THNSL2: variants seen among roughly 807,000 people sequenced by gnomAD.
THNSL2 encodes threonine synthase like 2.
Under a neutral mutation model 40.0 loss-of-function variants are expected in THNSL2, and 34 were observed. That is an observed-to-expected ratio of 0.85 (90% CI 0.65 to 1.13). The LOEUF (loss-of-function observed/expected upper bound fraction) is 1.13. Among genes scored for constraint, THNSL2 ranks in the 50% most tolerant of loss-of-function variants. The pLI is 0.00. For synonymous variants in THNSL2, 241 were observed against 247.5 expected, an observed-to-expected ratio of 0.97 and a Z score of 0.25; for missense variants, 537 against 608.8, an observed-to-expected ratio of 0.88 and a Z score of 1.24.
At chr2:88,171,438 C>G (rs1212086203) in intron 1 of THNSL2, 1 of 407,836 alleles carries the variant, frequency 2.5e-6, no homozygotes, top group African/African-American at 2.1e-5. Flanking sequence ...TCCTTCCACC[C>G]AGGGAAGGGC....
At chr2:88,184,296 C>A (rs1464162231) in intron 7 of THNSL2, among the ~76,000 whole-genome samples, 7 of 152,186 alleles carry the variant, frequency 4.6e-5, no homozygotes, top group Admixed American at 4.6e-4. Flanking sequence ...CTCCTTCATT[C>A]TCTCTCTGGC....
At chr2:88,173,625 TA>T (rs56707128) in intron 2 of THNSL2, among the ~76,000 whole-genome samples, 87 of 144,934 alleles carry the variant, frequency 6.0e-4, no homozygotes, top group South Asian at 6.6e-4. Flanking sequence ...TCTTTTTCTT[TA>T]AAAAAAAAAA....
intron 7 of THNSL2, among the ~76,000 whole-genome samples, chr2:88,185,054 C>T (rs986279613): frequency 1.3e-5 from 2 of 152,162 alleles, no homozygotes; most frequent in African/African-American, 2.4e-5. Flanking sequence ...CTGGCTGTGG[C>T]AAGTTGTTGA....
chr2:88,179,147 A>G (rs1677266491), intron 5 of THNSL2, 134 bp downstream of exon 5: 1 of 896,772 alleles, frequency 1.1e-6, no homozygotes, highest in East Asian at 2.5e-5. Flanking sequence ...GGGAAACCCC[A>G]CAGAAGTTCC....
chr2:88,181,004 C>G (rs1342259839), intron 5 of THNSL2, among the ~76,000 whole-genome samples: 1 of 152,130 alleles, frequency 6.6e-6, no homozygotes, highest in Non-Finnish European at 1.5e-5. Flanking sequence ...AGTCAGCCAT[C>G]TATTAAATAC....
intron 1 of THNSL2, chr2:88,171,926 G>T (rs1676418622): frequency 6.6e-6 from 1 of 152,328 alleles, no homozygotes; most frequent in Admixed American, 6.5e-5. Flanking sequence ...TAAGAGAGTG[G>T]CACGTGGCAG....
At chr2:88,182,578 T>C in intron 5 of THNSL2, 121 bp from the exon 6 acceptor site, 1 of 1,223,498 alleles carries the variant, frequency 8.2e-7, no homozygotes, top group Non-Finnish European at 1.1e-6. Context: ...TAGTGTCCTT[T>C]TTAAAGCACA....
chr2:88,184,666 G>C (rs552562889), intron 7 of THNSL2, among the ~76,000 whole-genome samples: 3 of 152,142 alleles, frequency 2.0e-5, no homozygotes, highest in Admixed American at 6.5e-5. Flanking sequence ...TACTTGGGAG[G>C]CTGAGGCAGG....
intron 4 of THNSL2, chr2:88,175,627 A>G: frequency 1.9e-6 from 1 of 532,708 alleles, no homozygotes; most frequent in African/African-American, 1.9e-5. Flanking sequence ...CAACAGTACA[A>G]CATGCTAAGT....
At chr2:88,182,419 G>C (rs989542907) in intron 5 of THNSL2, 32 of 269,832 alleles carry the variant, frequency 1.2e-4, no homozygotes, top group African/African-American at 6.8e-4. Flanking sequence ...TCGAAGGAAT[G>C]CCTGTTCTTT....
Position 88,186,223 on chromosome 2 carries a change from T to G in THNSL2, c.*100T>G, listed in dbSNP as rs1264734776. ...CCCATTAAGCGTAGGTTAGGAGGTTTCCGGGAGGCTGCTCAGCTGGATCTG... is the reference window on the plus strand; with the variant it reads ...CCCATTAAGCGTAGGTTAGGAGGTTGCCGGGAGGCTGCTCAGCTGGATCTG... On this transcript the variant is annotated 3_prime_UTR_variant, in exon 9 of 9. Transcript: ENST00000674334. 8.3e-7 allele frequency: 1 copy of G among 1,204,748 alleles called. No homozygotes were observed. The highest frequency in any genetic ancestry group is 1.5e-5 in the African/African-American group (1 of 66,198). 74.6% of individuals were successfully genotyped at this position (1,204,748 alleles called of 1,614,324 possible). A position where few individuals can be genotyped will look rare whatever the true frequency, so the allele number is the denominator to read the frequency against.
intron 7 of THNSL2, 136 bp from the exon 8 acceptor site, chr2:88,185,192 C>A: frequency 8.1e-7 from 1 of 1,236,294 alleles, no homozygotes; most frequent in Non-Finnish European, 1.1e-6. Context: ...TACTGTGAGC[C>A]ACATCTGAGC....
Position 88,175,336 on chromosome 2 carries a change from A to G in THNSL2, c.506A>G (p.His169Arg). The change falls in exon 4 of 9, where the codon CAC becomes CGC. Residue 169 changes from histidine (H) to arginine (R), a missense_variant. His to Arg is a conservative substitution (Grantham distance 29). Transcript: ENST00000674334. ...ATTATCGTTCTGCTGCCCAAAGGTC[A>G]CTGCACAAAGATTCAGGAGCTCCAG... ...MDIIVLLPKG[H>R]CTKIQELQMT... The G allele has an allele frequency of 1.2e-6, 2 of 1,614,220 alleles. No homozygotes were observed. The highest frequency in any genetic ancestry group is 1.7e-6 in the Non-Finnish European group (2 of 1,180,038).
intron 4 of THNSL2, 68 bp from the exon 5 acceptor site, chr2:88,178,715 G>A (rs1171270251): frequency 1.9e-5 from 30 of 1,563,408 alleles, no homozygotes; most frequent in Non-Finnish European, 2.3e-5. Context: ...CCCTGTCGCA[G>A]GTGAGTGCTG....
At chr2:88,171,303 C>A in intron 1 of THNSL2, 1 of 456,674 alleles carries the variant, frequency 2.2e-6, no homozygotes, top group South Asian at 1.5e-5. Context: ...GCGTGAGGGG[C>A]ATGGGTATGT....
chr2:88,186,067 A>G lies in THNSL2; in HGVS notation c.1399A>G (p.Thr467Ala). ...CAACTGGATGCTGATGCTTCGGGAC[A>G]CCATTGAGGACCTTAGCCGACAGTG... Reference protein sequence around the residue: ...GDNWMLMLRDTIEDLSRQWRS... With the variant: ...GDNWMLMLRDAIEDLSRQWRS... The change falls in exon 9 of 9, where the codon ACC becomes GCC. Residue 467 changes from threonine (T) to alanine (A), a missense_variant. By Grantham distance (58) the Thr-to-Ala change is moderately conservative (BLOSUM62 0). Transcript: ENST00000674334. The G allele has an allele frequency of 6.3e-7, 1 of 1,578,484 alleles. No homozygotes were observed. The highest frequency in any genetic ancestry group is 8.6e-7 in the Non-Finnish European group (1 of 1,161,954).
Position 88,175,301 on chromosome 2 carries a change from G to A in THNSL2, c.471G>A (p.Lys157=), listed in dbSNP as rs771565643. Residue 157 remains lysine, a synonymous_variant, in exon 4 of 9, where the codon AAG becomes AAA. Transcript: ENST00000674334. ...CCATTGAGAGTGTTCAAGGGGCAAAGAACATGGACATTATCGTTCTGCTGC... is the reference window on the plus strand; with the variant it reads ...CCATTGAGAGTGTTCAAGGGGCAAAAAACATGGACATTATCGTTCTGCTGC... ...SAAIESVQGA[K]NMDIIVLLPK... is the part of the protein sequence containing the mutation. 3 of 1,614,114 alleles carry A rather than the reference G, an allele frequency of 1.9e-6. No individual in the cohort carries two copies. Among genetic ancestry groups the A allele is most frequent in the South Asian group, 2.2e-5 (2 of 91,090 alleles).
At chr2:88,185,647 G>T in intron 8 of THNSL2, 168 bp downstream of exon 8, 6 of 1,551,560 alleles carry the variant, frequency 3.9e-6, no homozygotes, top group Non-Finnish European at 5.2e-6. Flanking sequence ...AAGAGGGAGC[G>T]TGACAGATAT....
Position 88,175,334 on chromosome 2 carries a change from T to C in THNSL2, c.504T>C (p.Gly168=). The C allele has an allele frequency of 6.2e-7, 1 of 1,614,176 alleles. No individual in the cohort carries two copies. Among genetic ancestry groups the C allele is most frequent in the Middle Eastern group, 1.7e-4 (1 of 6,060 alleles). The change falls in exon 4 of 9, where the codon GGT becomes GGC. Residue 168 remains glycine (G), a synonymous_variant. Transcript: ENST00000674334. ...NMDIIVLLPK[G]HCTKIQELQM... Reference sequence around the variant, plus strand: ...ACATTATCGTTCTGCTGCCCAAAGGTCACTGCACAAAGATTCAGGAGCTCC... The same window carrying C: ...ACATTATCGTTCTGCTGCCCAAAGGCCACTGCACAAAGATTCAGGAGCTCC...
Sources: gnomAD v4.1 joint callset for allele counts (sites outside exome capture counted in the v4.1 genomes callset) on GRCh38, gnomAD v4.1.1 for gene constraint, MANE v1.5 for transcripts, NCBI Gene and HGNC (gene_info 2026-07-23, HGNC 2026-07-21) for gene names.